HOXB6: variants seen among roughly 807,000 people sequenced by gnomAD.
The protein encoded by HOXB6 is homeobox B6.
HOXB6 carries 18 observed loss-of-function variants against 24.2 expected under a neutral mutation model. The observed-to-expected ratio is 0.74, with a 90% CI of 0.51 to 1.10. The LOEUF (loss-of-function observed/expected upper bound fraction) is 1.10, where lower values mean the gene tolerates loss of function less well. Among genes scored for constraint, HOXB6 ranks in the 50% least tolerant of loss-of-function variants. HOXB6 has a pLI of 0.00. For missense variants in HOXB6, 332 were observed against 308.3 expected (o/e 1.08, Z -0.58); for synonymous variants, 159 against 139.1 (o/e 1.14, Z -1.01).
chr17:48,603,530 T>G (rs910595408), intron 2 of HOXB6, among the ~76,000 whole-genome samples: 6 of 152,196 alleles, frequency 3.9e-5, no homozygotes, highest in Non-Finnish European at 7.3e-5. Context: ...TTTACAAGCC[T>G]AAAACAAAAA....
chr17:48,596,728 C>G lies in HOXB6; in HGVS notation c.416-56G>C, dbSNP rs1277169150. ...GCGGTCACCGGGCCCAGGACCCCCTCCCCTAGTCGACCCTCGAACACAGAC... is the reference window on the plus strand; with the variant it reads ...GCGGTCACCGGGCCCAGGACCCCCTGCCCTAGTCGACCCTCGAACACAGAC... On this transcript the variant is annotated intron_variant, in intron 3 of 3. Transcript: ENST00000225648. The surrounding 1 kb of genome is among the most constrained non-coding windows in gnomAD (Gnocchi z 4.8). The G allele has an allele frequency of 5.6e-6, 9 of 1,601,300 alleles. No homozygotes were observed. Among genetic ancestry groups the G allele is most frequent in the Non-Finnish European group, 7.6e-6 (9 of 1,179,220 alleles).
At chr17:48,602,129 A>G (rs1346501131) in intron 2 of HOXB6, 9 of 456,100 alleles carry the variant, frequency 2.0e-5, no homozygotes, top group South Asian at 1.4e-4. Context: ...ACTCACTTGC[A>G]GACATCAACA....
rs747712200 is a variant in HOXB6 at position 48,597,986 on chromosome 17, A to T, written c.165T>A (p.Thr55=). 116 of 1,590,882 alleles carry T rather than the reference A, an allele frequency of 7.3e-5. No individual in the cohort carries two copies. Among genetic ancestry groups the T allele is most frequent in the Non-Finnish European group, 8.6e-5 (100 of 1,168,882 alleles). Residue 55 remains threonine (T), a synonymous_variant, in exon 3 of 4, where the codon ACT becomes ACA. Coordinates refer to ENST00000225648, the MANE Select transcript of HOXB6 (RefSeq NM_018952.5). ...PGPGQDKGFA[T]SSYYPPAGGG... is the part of the protein sequence containing the mutation. ...CGCCCGCCGGCGGGTAATAGGAGGA[A>T]GTGGCAAAGCCCTTGTCCTGGCCCG... is the stretch of plus-strand genomic sequence containing the variant.
chr17:48,596,863 G>A lies in HOXB6; in HGVS notation c.416-191C>T. The A allele has an allele frequency of 1.6e-6, 2 of 1,251,506 alleles. No individual in the cohort carries two copies. The highest frequency in any genetic ancestry group is 1.1e-6 in the Non-Finnish European group (1 of 922,732). The allele number at this position is 1,251,506 out of a possible 1,614,324, so 77.5% of individuals were successfully genotyped here. ...CTAGTCTCCTAGGCCTGTGCCGTCTGTCTAGACTCTAGATGGGGGAGGGGA... is the reference window on the plus strand; with the variant it reads ...CTAGTCTCCTAGGCCTGTGCCGTCTATCTAGACTCTAGATGGGGGAGGGGA... On this transcript the variant is annotated intron_variant, in intron 3 of 3. Transcript: ENST00000225648. The surrounding 1 kb of genome is among the most constrained non-coding windows in gnomAD (Gnocchi z 4.8).
In HOXB6 at chr17:48,598,166, G is replaced by T; in HGVS notation, c.-16C>A. On this transcript the variant is annotated 5_prime_UTR_variant, in exon 3 of 4. Coordinates refer to ENST00000225648, the MANE Select transcript of HOXB6 (RefSeq NM_018952.5). ...AGGAACTCATTGGGAGGGGAGGCGC[G>T]CGCGGCCGCTGCTGCTCCGCCGGGT... The T allele has an allele frequency of 6.4e-7, 1 of 1,562,542 alleles. No individual in the cohort carries two copies.
At chr17:48,600,371 T>G in intron 2 of HOXB6, 2 of 442,624 alleles carry the variant, frequency 4.5e-6, no homozygotes, top group East Asian at 1.4e-4. Context: ...AAGGGAGCAT[T>G]TCCCTGTGTC....
rs2070276059 is a variant in HOXB6, at chr17:48,596,051, T to A, written c.*362A>T. ...GGACAGCGAATCTACCATTGAACCG[T>A]GCACGGGGGACATGGACAAAATGAG... On this transcript the variant is annotated 3_prime_UTR_variant, in exon 4 of 4. Transcript: ENST00000225648. The surrounding 1 kb of genome is among the most constrained non-coding windows in gnomAD (Gnocchi z 4.8). 1 of 483,390 alleles carries A rather than the reference T, an allele frequency of 2.1e-6. No individual in the cohort carries two copies. The highest frequency in any genetic ancestry group is 4.1e-6 in the Non-Finnish European group (1 of 245,406). 29.9% of individuals were successfully genotyped at this position (483,390 alleles called of 1,614,324 possible).
rs1478068381 is a variant in HOXB6 at position 48,596,246 on chromosome 17, A to C, written c.*167T>G. On this transcript the variant is annotated 3_prime_UTR_variant, in exon 4 of 4. Transcript: ENST00000225648. This position sits in a 1 kb window ranked among gnomAD's most constrained non-coding sequence, Gnocchi z 4.8. ...GTGAGGCCTCAGAGCACCCGCCGGG[A>C]GCTGTGCGGGCGGGGGCGTCCAGGA... The C allele has an allele frequency of 5.8e-6, 6 of 1,037,510 alleles. No individual in the cohort carries two copies. The East Asian group carries it at 1.4e-4, about 25-fold the overall frequency. 64.3% of individuals were successfully genotyped at this position (1,037,510 alleles called of 1,614,324 possible).
intron 2 of HOXB6, chr17:48,602,064 A>G (rs936497212): frequency 2.0e-5 from 9 of 454,818 alleles, no homozygotes; most frequent in Admixed American, 9.4e-5. Flanking sequence ...TTTTTCCCAA[A>G]TCATATTTAG....
chr17:48,595,772 A>ATTG lies in HOXB6; in HGVS notation c.*638_*640dup, dbSNP rs772248057. The ATTG allele has an allele frequency of 2.6e-4, 51 of 192,882 alleles. No homozygotes were observed. Among genetic ancestry groups the ATTG allele is most frequent in the Admixed American group, 1.3e-3 (22 of 17,476 alleles). 11.9% of individuals were successfully genotyped at this position (192,882 alleles called of 1,614,324 possible). A position where few individuals can be genotyped will look rare whatever the true frequency, so the allele number is the denominator to read the frequency against. On this transcript the variant is annotated 3_prime_UTR_variant, in exon 4 of 4. Transcript: ENST00000225648. ...AGCGTCGAGTTTTCACATCTTTATT[A>ATTG]TTGTTGTTGTTGTTGTTATTATTAT...
chr17:48,600,676 T>C, intron 2 of HOXB6: 1 of 379,932 alleles, frequency 2.6e-6, no homozygotes, highest in Non-Finnish European at 5.3e-6. Flanking sequence ...TCCACCGCCC[T>C]CTGTCTGTCT....
intron 3 of HOXB6, chr17:48,597,034 G>A: frequency 1.8e-6 from 2 of 1,118,708 alleles, no homozygotes; most frequent in Non-Finnish European, 1.1e-6. Context: ...AATCCAGGCC[G>A]TTAATCCGTA....
At chr17:48,599,306 A>G (rs1405763315) in intron 2 of HOXB6, among the ~76,000 whole-genome samples, 1 of 152,210 alleles carries the variant, frequency 6.6e-6, no homozygotes, top group African/African-American at 2.4e-5. Flanking sequence ...GGAAGAAATC[A>G]TTCTTCTTCC....
At chr17:48,598,266 G>T in intron 2 of HOXB6, 38 bp from the exon 3 acceptor site, 2 of 1,120,704 alleles carry the variant, frequency 1.8e-6, no homozygotes, top group Non-Finnish European at 2.5e-6. Context: ...TTTAGCTGAG[G>T]GGGGATGGCG....
chr17:48,597,926 C>T lies in HOXB6; in HGVS notation c.225G>A (p.Gly75=), dbSNP rs1282860525. The T allele has an allele frequency of 2.5e-6, 4 of 1,574,316 alleles. No individual in the cohort carries two copies. The highest frequency in any genetic ancestry group is 1.8e-5 in the Admixed American group (1 of 54,482). Residue 75 remains glycine (G), a synonymous_variant, in exon 3 of 4, where the codon GGG becomes GGA. Transcript: ENST00000225648. ...TCTCGCGGTAGAAGGCCGGCGCCGG[C>T]CCGTAGTCGCAGGGCGCCGCTCGGC... The part of the protein sequence containing the change: ...GYGRAAPCDY[G]PAPAFYREKE...
intron 2 of HOXB6, among the ~76,000 whole-genome samples, chr17:48,599,215 C>G (rs528223005): frequency 1.3e-5 from 2 of 152,306 alleles, no homozygotes; most frequent in Admixed American, 1.3e-4. Flanking sequence ...CCAGTACCCT[C>G]TACAATCCCA....
At chr17:48,601,092 C>T (rs1567975606) in intron 2 of HOXB6, among the ~76,000 whole-genome samples, 1 of 149,058 alleles carries the variant, frequency 6.7e-6, no homozygotes, top group Non-Finnish European at 1.5e-5. Flanking sequence ...GCTATAAAGC[C>T]CTCTCCCTCA....
In HOXB6 at chr17:48,597,945, G is replaced by C; in HGVS notation, c.206C>G (p.Ala69Gly). The part of the protein sequence containing the change: ...YPPAGGGYGR[A>G]APCDYGPAPA... ...CGCCGGCCCGTAGTCGCAGGGCGCC[G>C]CTCGGCCGTAGCCACCGCCCGCCGG... Residue 69 changes from alanine (A) to glycine (G), a missense_variant, in exon 3 of 4, where the codon GCG becomes GGG. Coordinates refer to ENST00000225648, the MANE Select transcript of HOXB6 (RefSeq NM_018952.5). 1 of 1,571,914 alleles carries C rather than the reference G, an allele frequency of 6.4e-7. No individual in the cohort carries two copies. Among genetic ancestry groups the C allele is most frequent in the Non-Finnish European group, 8.6e-7 (1 of 1,159,182 alleles).
chr17:48,600,991 CGTGTGTGTGT>C (rs58180060), intron 2 of HOXB6, among the ~76,000 whole-genome samples: 11 of 145,652 alleles, frequency 7.6e-5, no homozygotes, highest in African/African-American at 2.0e-4. Context: ...GGGATATTTG[CGTGTGTGTGT>C]GTGTGTGTGT....
Sources: gnomAD v4.1 joint callset for allele counts (sites outside exome capture counted in the v4.1 genomes callset) on GRCh38, gnomAD v4.1.1 for gene constraint, Gnocchi (gnomAD v3.1) non-coding constraint, MANE v1.5 for transcripts, NCBI Gene and HGNC (gene_info 2026-07-23, HGNC 2026-07-21) for gene names.